WASF3: variants seen among roughly 807,000 people sequenced by gnomAD.
WASF3 encodes the protein actin-binding protein WASF3.
In WASF3, 11 loss-of-function variants were observed where a neutral mutation model predicts 46.6. The ratio of observed to expected loss-of-function variants is 0.24; its 90% CI spans 0.15 to 0.39. WASF3 has a LOEUF of 0.39. WASF3 is among the 10% of genes least tolerant of loss of function. The pLI is 1.00. For synonymous variants in WASF3, 242 were observed against 259.7 expected (o/e 0.93, Z 0.65); for missense variants, 576 against 669.8 (o/e 0.86, Z 1.55).
the WASF3 span, among the ~76,000 whole-genome samples, chr13:26,541,462 G>T: frequency 6.6e-6 from 1 of 152,112 alleles, no homozygotes; most frequent in African/African-American, 2.4e-5. Context: ...ATATTCTGAG[G>T]ACTAAATGGA....
intron 2 of WASF3, among the ~76,000 whole-genome samples, chr13:26,623,358 C>T (rs748938183): frequency 6.6e-6 from 1 of 152,170 alleles, no homozygotes; most frequent in Non-Finnish European, 1.5e-5. Flanking sequence ...CCACAGCCTT[C>T]TCTCCTATGA....
At position 26,679,058 on chromosome 13, in the gene WASF3, C is replaced by A. The variant is rs574401696; in HGVS notation, c.717-1996C>A. Reference sequence around the variant, plus strand: ...CTCCCGGCCCTCCTCCTCCCATCGTCCCCGGCCCTCCCAGTCCTCTTCCTC... The same window carrying A: ...CTCCCGGCCCTCCTCCTCCCATCGTACCCGGCCCTCCCAGTCCTCTTCCTC... On this transcript the variant is annotated intron_variant, in intron 7 of 9. Transcript: ENST00000335327. The surrounding 1 kb of genome is among the most constrained non-coding windows in gnomAD (Gnocchi z 4.8). Among the ~76,000 whole-genome samples, 3 of 150,964 alleles carry A rather than the reference C, an allele frequency of 2.0e-5. No individual in the cohort carries two copies. The highest frequency in any genetic ancestry group is 4.2e-4 in the South Asian group (2 of 4,730).
intron 1 of WASF3, among the ~76,000 whole-genome samples, chr13:26,565,677 A>G (rs9553860): frequency 0.31 from 47,393 of 152,102 alleles, 7,796 homozygotes; most frequent in East Asian, 0.59. Flanking sequence ...TGCAAACAGC[A>G]TTTGTTTCCC....
intron 3 of WASF3, among the ~76,000 whole-genome samples, chr13:26,658,829 A>G (rs1277137025): frequency 6.6e-6 from 1 of 152,174 alleles, no homozygotes; most frequent in Non-Finnish European, 1.5e-5. Flanking sequence ...GAGGGGGTCA[A>G]ATGCTCTTAC....
chr13:26,657,002 C>G (rs1882487162), intron 3 of WASF3, among the ~76,000 whole-genome samples: 1 of 152,160 alleles, frequency 6.6e-6, no homozygotes, highest in Non-Finnish European at 1.5e-5. Context: ...TATGGACTTT[C>G]CTAGAGAAGA....
intron 3 of WASF3, among the ~76,000 whole-genome samples, chr13:26,652,191 A>G (rs1415515999): frequency 6.6e-6 from 1 of 152,238 alleles, no homozygotes; most frequent in African/African-American, 2.4e-5. Flanking sequence ...ATTTAAGGAA[A>G]GTTAATGAAA....
intron 2 of WASF3, chr13:26,640,406 T>A (rs1881960524): frequency 6.8e-6 from 1 of 146,540 alleles, no homozygotes; most frequent in African/African-American, 2.4e-5. Flanking sequence ...CTCTTTTTTT[T>A]TCTTTTTTTT....
Position 26,687,539 on chromosome 13 carries a change from C to G in WASF3, c.*1694C>G, listed in dbSNP as rs1032627701. 2.0e-5 allele frequency: 3 copies of G among 152,174 alleles called. No individual in the cohort carries two copies. The highest frequency in any genetic ancestry group is 4.4e-5 in the Non-Finnish European group (3 of 68,100). 9.4% of individuals were successfully genotyped at this position (152,174 alleles called of 1,614,324 possible). A position where few individuals can be genotyped will look rare whatever the true frequency, so the allele number is the denominator to read the frequency against. On this transcript the variant is annotated 3_prime_UTR_variant, in exon 10 of 10. Transcript: ENST00000335327. ...TCTGAAGCCCTGAAAAGCCTCATGT[C>G]TGCATCCCCTTTCCAAGGCTGCTTC... is the stretch of plus-strand genomic sequence containing the variant.
chr13:26,559,812 T>TCTTTTC (rs1462441690), intron 1 of WASF3, among the ~76,000 whole-genome samples: 1 of 79,172 alleles, frequency 1.3e-5, no homozygotes, highest in Admixed American at 1.3e-4. Context: ...TTCTTTCTTT[T>TCTTTTC]TTTTTTTTTT....
At position 26,679,942 on chromosome 13, in the gene WASF3, A is replaced by G. The variant is rs1593186974; in HGVS notation, c.717-1112A>G. ...GTGCCACATGGTGCCCCAGTTAAGA[A>G]AAGCTACCAACTGGAATCCCAAAGA... is the stretch of plus-strand genomic sequence containing the variant. On this transcript the variant is annotated intron_variant, in intron 7 of 9. Coordinates refer to ENST00000335327, the MANE Select transcript of WASF3 (RefSeq NM_006646.6). This position sits in a 1 kb window ranked among gnomAD's most constrained non-coding sequence, Gnocchi z 4.8. The G allele has an allele frequency of 6.8e-7, 1 of 1,465,346 alleles. No individual in the cohort carries two copies. Among genetic ancestry groups the G allele is most frequent in the East Asian group, 2.5e-5 (1 of 40,278 alleles). 90.8% of individuals were successfully genotyped at this position (1,465,346 alleles called of 1,614,324 possible). A position where few individuals can be genotyped will look rare whatever the true frequency, so the allele number is the denominator to read the frequency against.
rs1381797093 is a variant in WASF3 at position 26,664,989 on chromosome 13, C to G, written c.134-39C>G. 3 of 1,610,978 alleles carry G rather than the reference C, an allele frequency of 1.9e-6. No individual in the cohort carries two copies. In the African/African-American group the frequency reaches 4.0e-5, roughly 22 times the overall value. On this transcript the variant is annotated intron_variant, in intron 3 of 9. Transcript: ENST00000335327. ...ATGTGTGAGGGCCGCTTCATCAGCT[C>G]CCTAACAGATGGCCTTCTCCATTCA...
intron 2 of WASF3, chr13:26,619,659 G>A (rs1010727900): frequency 1.3e-5 from 2 of 152,202 alleles, no homozygotes; most frequent in Admixed American, 1.3e-4. Context: ...CAACAAGGCA[G>A]TGTCAGGAGT....
At chr13:26,683,379 G>A (rs930795846) in intron 9 of WASF3, among the ~76,000 whole-genome samples, 1 of 152,132 alleles carries the variant, frequency 6.6e-6, no homozygotes, top group African/African-American at 2.4e-5. Flanking sequence ...AGGAGGCTGA[G>A]GTGGGAGGAT....
chr13:26,670,603 G>A (rs1882902737), intron 5 of WASF3, among the ~76,000 whole-genome samples: 1 of 152,140 alleles, frequency 6.6e-6, no homozygotes, highest in Non-Finnish European at 1.5e-5. Flanking sequence ...AAAAACAAAT[G>A]TACCTCTTAT....
intron 1 of WASF3, among the ~76,000 whole-genome samples, chr13:26,578,500 A>AC (rs1310861280): frequency 6.6e-6 from 1 of 152,238 alleles, no homozygotes; most frequent in Non-Finnish European, 1.5e-5. Context: ...AATGCAACAC[A>AC]CCATGAGCTG....
the WASF3 span, among the ~76,000 whole-genome samples, chr13:26,550,002 AAG>A: frequency 1.1e-4 from 16 of 152,212 alleles, no homozygotes; most frequent in Non-Finnish European, 1.9e-4. Context: ...TATGCTTTGC[AAG>A]AGAGTGTTGT....
chr13:26,626,511 A>T (rs1881467561), intron 2 of WASF3, among the ~76,000 whole-genome samples: 2 of 152,238 alleles, frequency 1.3e-5, no homozygotes, highest in African/African-American at 4.8e-5. Context: ...AATCTTTGTC[A>T]GATGGAAGGT....
intron 1 of WASF3, chr13:26,576,839 C>T: frequency 1.8e-6 from 1 of 547,500 alleles, no homozygotes; most frequent in South Asian, 2.2e-5. Flanking sequence ...TCCTACGTAA[C>T]TATAGTATAA....
intron 2 of WASF3, among the ~76,000 whole-genome samples, chr13:26,622,184 A>G (rs1389966781): frequency 6.6e-6 from 1 of 152,186 alleles, no homozygotes; most frequent in Non-Finnish European, 1.5e-5. Flanking sequence ...AATCAGAGCA[A>G]AGGTTACCAG....
Sources: allele counts gnomAD v4.1 joint callset (sites outside exome capture counted in the v4.1 genomes callset), GRCh38; gene constraint gnomAD v4.1.1; non-coding constraint Gnocchi (gnomAD v3.1); transcripts MANE v1.5; gene names NCBI Gene and HGNC (gene_info 2026-07-23, HGNC 2026-07-21).